The following BANF2 variants were observed in gnomAD, a reference collection of about 807,000 sequenced individuals.
BANF2 encodes barrier-to-autointegration factor-like protein.
In BANF2, 4 loss-of-function variants were observed where a neutral mutation model predicts 8.0. That is an observed-to-expected ratio of 0.50 (90% CI 0.25 to 1.14). The LOEUF is 1.14. Ranked by LOEUF, BANF2 falls within the 50% of genes most tolerant of loss-of-function variation. The probability of loss-of-function intolerance (pLI) is 0.16; values close to 1 mark genes in which losing one functional copy is unlikely to be tolerated. For missense variants in BANF2, 96 were observed against 107.5 expected (o/e 0.89, Z 0.47); for synonymous variants, 50 against 40.6 (o/e 1.23, Z -0.88).
intron 1 of BANF2, among the ~76,000 whole-genome samples, chr20:17,700,417 G>A (rs2037389653): frequency 6.6e-6 from 1 of 152,174 alleles, no homozygotes; most frequent in Non-Finnish European, 1.5e-5. Context: ...CCTAATTGAG[G>A]TCAGGGACAG....
intron 1 of BANF2, among the ~76,000 whole-genome samples, chr20:17,707,833 G>A (rs1004708519): frequency 1.3e-5 from 2 of 151,790 alleles, no homozygotes; most frequent in Non-Finnish European, 2.9e-5. Flanking sequence ...ACCCACCTTG[G>A]CCACCCAAAG....
intron 1 of BANF2, 88 bp from the exon 2 acceptor site, chr20:17,722,628 T>A: frequency 6.1e-6 from 4 of 660,952 alleles, no homozygotes; most frequent in Non-Finnish European, 5.6e-6. Context: ...GAGAGGTCGA[T>A]GCCCTCGGCT....
chr20:17,729,900 T>C (rs1392232992), intron 3 of BANF2, among the ~76,000 whole-genome samples: 2 of 152,170 alleles, frequency 1.3e-5, no homozygotes, highest in African/African-American at 4.8e-5. Flanking sequence ...ACCCCACCTA[T>C]GGGTAGGTGA....
chr20:17,704,766 G>A (rs1238973277), intron 1 of BANF2, among the ~76,000 whole-genome samples: 1 of 152,218 alleles, frequency 6.6e-6, no homozygotes, highest in Non-Finnish European at 1.5e-5. Context: ...ATTGATTGGA[G>A]CACATATGGC....
intron 2 of BANF2, among the ~76,000 whole-genome samples, chr20:17,723,722 C>T (rs2037763578): frequency 6.6e-6 from 1 of 152,216 alleles, no homozygotes; most frequent in Admixed American, 6.5e-5. Flanking sequence ...CGGCCGGGCG[C>T]AGCAGCTCAT....
upstream of BANF2, among the ~76,000 whole-genome samples, chr20:17,695,113 C>G (rs1038208533): frequency 6.6e-5 from 10 of 152,012 alleles, no homozygotes; most frequent in African/African-American, 2.4e-4. Context: ...AAGCACTTGC[C>G]TTTAGCAGCT....
chr20:17,706,909 G>T (rs534218425), intron 1 of BANF2, among the ~76,000 whole-genome samples: 1 of 152,330 alleles, frequency 6.6e-6, no homozygotes, highest in Non-Finnish European at 1.5e-5. Flanking sequence ...CTGTGAGCAG[G>T]ATGGAATATA....
At chr20:17,726,134 C>A (rs1411075782) in intron 3 of BANF2, among the ~76,000 whole-genome samples, 1 of 152,104 alleles carries the variant, frequency 6.6e-6, no homozygotes, top group African/African-American at 2.4e-5. Flanking sequence ...GGAGGGAGAA[C>A]CATTCTCTGG....
At chr20:17,716,372 C>G (rs1270161005) in intron 1 of BANF2, among the ~76,000 whole-genome samples, 1 of 151,890 alleles carries the variant, frequency 6.6e-6, no homozygotes, top group Non-Finnish European at 1.5e-5. Context: ...ACAGGGTCTC[C>G]CCTAGGCTGG....
upstream of BANF2, among the ~76,000 whole-genome samples, chr20:17,696,685 G>A (rs542346460): frequency 3.3e-4 from 50 of 152,260 alleles, no homozygotes; most frequent in African/African-American, 1.2e-3. Flanking sequence ...TGTTATTGAT[G>A]CAATGCTCTG....
At chr20:17,710,680 A>C (rs1439534118) in intron 1 of BANF2, among the ~76,000 whole-genome samples, 3 of 152,196 alleles carry the variant, frequency 2.0e-5, no homozygotes. Context: ...GTGACTTCTG[A>C]GTGACAAGCT....
At chr20:17,717,787 C>T (rs2037677132) in intron 1 of BANF2, among the ~76,000 whole-genome samples, 1 of 152,308 alleles carries the variant, frequency 6.6e-6, no homozygotes, top group Middle Eastern at 3.4e-3. Flanking sequence ...CCCTGCCCAA[C>T]CCCTTGTGAC....
At chr20:17,726,517 T>G (rs2037811754) in intron 3 of BANF2, among the ~76,000 whole-genome samples, 1 of 152,184 alleles carries the variant, frequency 6.6e-6, no homozygotes, top group Non-Finnish European at 1.5e-5. Flanking sequence ...AAAGAAATCA[T>G]TCTTCTTTTT....
chr20:17,734,850 G>A (rs1211857292), intron 3 of BANF2, among the ~76,000 whole-genome samples: 1 of 152,176 alleles, frequency 6.6e-6, no homozygotes, highest in Admixed American at 6.5e-5. Context: ...ACTTTGGGAG[G>A]CCAAGGCAGG....
intron 1 of BANF2, among the ~76,000 whole-genome samples, chr20:17,704,478 A>C (rs1357536928): frequency 6.6e-6 from 1 of 152,096 alleles, no homozygotes; most frequent in African/African-American, 2.4e-5. Context: ...CCTCAATTCC[A>C]CTTCTAGAGT....
At chr20:17,695,649 A>G (rs2037341169), upstream of BANF2, among the ~76,000 whole-genome samples, 1 of 152,142 alleles carries the variant, frequency 6.6e-6, no homozygotes. Flanking sequence ...CACACACCAC[A>G]CATACATATA....
At chr20:17,711,223 T>G (rs1227988969) in intron 1 of BANF2, among the ~76,000 whole-genome samples, 1 of 152,140 alleles carries the variant, frequency 6.6e-6, no homozygotes, top group Non-Finnish European at 1.5e-5. Flanking sequence ...CAAAGGCCAG[T>G]GTGGAGCCAC....
chr20:17,707,288 C>G (rs2037495714), intron 1 of BANF2, among the ~76,000 whole-genome samples: 1 of 150,858 alleles, frequency 6.6e-6, no homozygotes. Context: ...GAGGCTGAGG[C>G]AGGAGAATGG....
chr20:17,719,490 G>A (rs1409158619), intron 1 of BANF2, among the ~76,000 whole-genome samples: 1 of 152,020 alleles, frequency 6.6e-6, no homozygotes, highest in Non-Finnish European at 1.5e-5. Flanking sequence ...TCTTATGGGA[G>A]AAATTAGGGG....
Sources: gnomAD v4.1 joint callset for allele counts (sites outside exome capture counted in the v4.1 genomes callset) on GRCh38, gnomAD v4.1.1 for gene constraint, MANE v1.5 for transcripts, NCBI Gene and HGNC (gene_info 2026-07-23, HGNC 2026-07-21) for gene names.